Variants in SLC2A5 observed in about 807,000 individuals in gnomAD.
SLC2A5 encodes the protein solute carrier family 2 member 5, also known as solute carrier family 2, facilitated glucose transporter member 5.
Under a neutral mutation model 50.3 loss-of-function variants are expected in SLC2A5, and 56 were observed. The observed-to-expected ratio is 1.11, with a 90% CI of 0.90 to 1.39. The LOEUF (loss-of-function observed/expected upper bound fraction) is 1.39. SLC2A5 is among the 40% of genes most tolerant of loss of function. SLC2A5 has a pLI of 0.00. For synonymous variants in SLC2A5, 269 were observed against 281.9 expected (o/e 0.95, Z 0.46); for missense variants, 566 against 650.1 (o/e 0.87, Z 1.41).
At chr1:9,057,314 A>C (rs1286869833) in intron 3 of SLC2A5, 134 bp downstream of exon 3, 1 of 484,778 alleles carries the variant, frequency 2.1e-6, no homozygotes, top group Admixed American at 4.3e-5. Flanking sequence ...AAAAAAAAAA[A>C]AGAAAGAAAA....
chr1:9,087,116 C>T (rs763975855), intron 1 of SLC2A5, among the ~76,000 whole-genome samples: 1 of 152,170 alleles, frequency 6.6e-6, no homozygotes, highest in African/African-American at 2.4e-5. Context: ...GCTGTCTCAC[C>T]TAACTCGGCC....
chr1:9,083,946 C>T (rs1331097266), intron 2 of SLC2A5, among the ~76,000 whole-genome samples: 1 of 152,074 alleles, frequency 6.6e-6, no homozygotes, highest in African/African-American at 2.4e-5. Flanking sequence ...AGATCGAGAC[C>T]ATCCTGGCTA....
chr1:9,060,466 A>C (rs576989257), intron 1 of SLC2A5, among the ~76,000 whole-genome samples: 31 of 131,376 alleles, frequency 2.4e-4, no homozygotes, highest in Admixed American at 8.1e-4. Context: ...CACACACCCC[A>C]CACATACACA....
chr1:9,066,575 T>G (rs1642088896), intron 1 of SLC2A5, among the ~76,000 whole-genome samples: 1 of 152,220 alleles, frequency 6.6e-6, no homozygotes, highest in African/African-American at 2.4e-5. Context: ...GTTGTACCTT[T>G]TTCTTTTCCT....
chr1:9,043,012 A>G (rs1641345021), intron 4 of SLC2A5, among the ~76,000 whole-genome samples: 2 of 152,212 alleles, frequency 1.3e-5, no homozygotes, highest in African/African-American at 4.8e-5. Context: ...CCTGATGTCA[A>G]TTAAAAAAAC....
intron 3 of SLC2A5, among the ~76,000 whole-genome samples, chr1:9,051,491 G>T (rs1052166385): frequency 7.9e-5 from 12 of 152,102 alleles, no homozygotes; most frequent in African/African-American, 2.9e-4. Flanking sequence ...ATGGGCCAAA[G>T]ATCTTAACAG....
upstream of SLC2A5, among the ~76,000 whole-genome samples, chr1:9,073,925 C>T (rs570946170): frequency 2.8e-4 from 42 of 152,272 alleles, no homozygotes; most frequent in Admixed American, 2.3e-3. Context: ...ATTAAAAATA[C>T]AAGAATTAGC....
intron 1 of SLC2A5, among the ~76,000 whole-genome samples, chr1:9,063,744 G>A (rs1263583829): frequency 8.2e-6 from 1 of 122,068 alleles, no homozygotes; most frequent in Non-Finnish European, 1.6e-5. Context: ...CGCCCAGGCT[G>A]GAGTGCAGTG....
At chr1:9,075,851 G>A (rs1642275542) in intron 2 of SLC2A5, among the ~76,000 whole-genome samples, 1 of 152,076 alleles carries the variant, frequency 6.6e-6, no homozygotes, top group Admixed American at 6.6e-5. Context: ...AGTAGAAACG[G>A]GGTTTCACCA....
At chr1:9,091,976 T>G (rs1386403494), upstream of SLC2A5, among the ~76,000 whole-genome samples, 1 of 152,176 alleles carries the variant, frequency 6.6e-6, no homozygotes, top group East Asian at 1.9e-4. Flanking sequence ...GCCTATAACA[T>G]TATTCATTCC....
At chr1:9,081,899 TG>T (rs1328402735) in intron 2 of SLC2A5, among the ~76,000 whole-genome samples, 16 of 152,070 alleles carry the variant, frequency 1.1e-4, no homozygotes, top group African/African-American at 3.9e-4. Flanking sequence ...CTGAACAACA[TG>T]GCAAAACCCC....
At chr1:9,057,365 T>C in intron 3 of SLC2A5, 83 bp downstream of exon 3, 1 of 843,120 alleles carries the variant, frequency 1.2e-6, no homozygotes, top group South Asian at 2.2e-5. Flanking sequence ...AGTCTCATGG[T>C]AAGGATTTCA....
intron 2 of SLC2A5, among the ~76,000 whole-genome samples, chr1:9,077,008 C>T (rs915031427): frequency 7.9e-5 from 12 of 151,470 alleles, no homozygotes; most frequent in African/African-American, 1.2e-4. Flanking sequence ...AGGCTGGTCT[C>T]GAACTCCTGA....
chr1:9,082,765 C>T (rs1642368060), intron 2 of SLC2A5: 2 of 422,418 alleles, frequency 4.7e-6, no homozygotes, highest in Non-Finnish European at 9.1e-6. Context: ...ACCAGGCAGC[C>T]CAACCCTGAC....
intron 4 of SLC2A5, among the ~76,000 whole-genome samples, chr1:9,042,547 GTA>G (rs886241162): frequency 1.3e-5 from 2 of 148,436 alleles, no homozygotes; most frequent in African/African-American, 5.0e-5. Context: ...GTGTGTGTGT[GTA>G]TATATATATG....
intron 4 of SLC2A5, among the ~76,000 whole-genome samples, chr1:9,043,725 T>A (rs1057352565): frequency 2.1e-5 from 2 of 93,424 alleles, no homozygotes; most frequent in African/African-American, 6.3e-5. Flanking sequence ...CAAAGTGGCT[T>A]TTTTTTTTTT....
intron 3 of SLC2A5, among the ~76,000 whole-genome samples, chr1:9,051,115 A>G (rs1430748092): frequency 6.6e-6 from 1 of 151,924 alleles, no homozygotes; most frequent in Non-Finnish European, 1.5e-5. Flanking sequence ...AAGGTAGTAC[A>G]CCCCTCCTGA....
intron 3 of SLC2A5, chr1:9,049,288 A>T (rs972671913): frequency 1.4e-5 from 6 of 429,414 alleles, no homozygotes; most frequent in Non-Finnish European, 2.8e-5. Context: ...CAACAGAATC[A>T]GACTGGACTA....
At chr1:9,085,622 C>T (rs1223171565) in intron 1 of SLC2A5, among the ~76,000 whole-genome samples, 1 of 152,130 alleles carries the variant, frequency 6.6e-6, no homozygotes, top group Non-Finnish European at 1.5e-5. Context: ...TGTTCGAACC[C>T]CACTTCCATT....
Sources: gnomAD v4.1 joint callset for allele counts (sites outside exome capture counted in the v4.1 genomes callset) on GRCh38, gnomAD v4.1.1 for gene constraint, MANE v1.5 for transcripts, NCBI Gene and HGNC (gene_info 2026-07-23, HGNC 2026-07-21) for gene names.